SASS6: variants seen among roughly 807,000 people sequenced by gnomAD.
SASS6 encodes the protein spindle assembly abnormal protein 6 homolog.
SASS6 carries 59 observed loss-of-function variants against 94.9 expected under a neutral mutation model. The observed-to-expected ratio is 0.62, with a 90% CI of 0.50 to 0.77. The LOEUF (loss-of-function observed/expected upper bound fraction) is 0.77. SASS6 is among the 30% of genes least tolerant of loss of function. SASS6 has a pLI of 0.00. For synonymous variants in SASS6, 264 were observed against 270.0 expected, an observed-to-expected ratio of 0.98 and a Z score of 0.22; for missense variants, 698 against 734.1, an observed-to-expected ratio of 0.95 and a Z score of 0.57.
chr1:100,092,195 G>A (rs957065024), intron 14 of SASS6, among the ~76,000 whole-genome samples: 1 of 151,556 alleles, frequency 6.6e-6, no homozygotes, highest in Non-Finnish European at 1.5e-5. Context: ...ATTAAAAGCA[G>A]GCAGAGAAAA....
At chr1:100,127,882 TAGA>T (rs1250761837) in intron 1 of SASS6, among the ~76,000 whole-genome samples, 1 of 152,142 alleles carries the variant, frequency 6.6e-6, no homozygotes, top group Non-Finnish European at 1.5e-5. Context: ...TGGATTCAAC[TAGA>T]AGGTTTGTGA....
At chr1:100,104,169 C>G (rs1652708428) in intron 13 of SASS6, among the ~76,000 whole-genome samples, 1 of 152,204 alleles carries the variant, frequency 6.6e-6, no homozygotes, top group African/African-American at 2.4e-5. Context: ...ATTAAAGCAG[C>G]AGCAGCCATT....
At chr1:100,118,697 A>G (rs1451397061) in intron 7 of SASS6, among the ~76,000 whole-genome samples, 1 of 152,178 alleles carries the variant, frequency 6.6e-6, no homozygotes, top group Non-Finnish European at 1.5e-5. Flanking sequence ...ATAAGACCCC[A>G]TTAGTATAGA....
At chr1:100,102,451 C>G (rs1325505790) in intron 14 of SASS6, among the ~76,000 whole-genome samples, 1 of 152,010 alleles carries the variant, frequency 6.6e-6, no homozygotes, top group South Asian at 2.1e-4. Flanking sequence ...CCAAGGCAGG[C>G]GGATCACTTG....
chr1:100,125,032 T>C (rs1292509831), intron 2 of SASS6, among the ~76,000 whole-genome samples: 1 of 152,014 alleles, frequency 6.6e-6, no homozygotes, highest in African/African-American at 2.4e-5. Flanking sequence ...GGCCAGGGGG[T>C]TGGGGACCCC....
chr1:100,115,202 T>C (rs1043825149), intron 7 of SASS6, among the ~76,000 whole-genome samples: 1 of 152,156 alleles, frequency 6.6e-6, no homozygotes, highest in Non-Finnish European at 1.5e-5. Context: ...AGAAACAGTA[T>C]GTAAATTTAG....
rs936424806 is a variant in SASS6, at chr1:100,117,029, C to T, written c.669+1989G>A. On this transcript the variant is annotated intron_variant, in intron 7 of 16. Transcript: ENST00000287482. ...AGCTATAAGGCTGGGCACAGTGGCTCACGCCTGTAATCCTAGCACTTTGGG... is the reference window on the plus strand; with the variant it reads ...AGCTATAAGGCTGGGCACAGTGGCTTACGCCTGTAATCCTAGCACTTTGGG... 1.3e-4 allele frequency among the ~76,000 whole-genome samples: 20 copies of T among 152,198 alleles called. No individual in the cohort carries two copies. In the East Asian group the frequency reaches 3.5e-3, roughly 27 times the overall value.
intron 6 of SASS6, among the ~76,000 whole-genome samples, chr1:100,120,018 A>G (rs1316459631): frequency 6.6e-6 from 1 of 152,254 alleles, no homozygotes; most frequent in African/African-American, 2.4e-5. Context: ...AGAGGAATTA[A>G]TTCTAAACAT....
rs1267289215 is a variant in SASS6 at position 100,120,405 on chromosome 1, A to G, written c.538T>C (p.Phe180Leu). ...GAAATTTGAATTACCTTTCGTGTAA[A>G]GTCCAGTTGCTTAGTAGCATCATCT... ...SLDDATKQLD[F>L]TRKTLAEKKQ... Residue 180 changes from phenylalanine (F) to leucine (L), a missense_variant, in exon 6 of 17, where the codon TTT becomes CTT. Coordinates refer to ENST00000287482, the MANE Select transcript of SASS6 (RefSeq NM_194292.3). 2.0e-6 allele frequency: 3 copies of G among 1,517,128 alleles called. No homozygotes were observed. The highest frequency in any genetic ancestry group is 2.7e-6 in the Non-Finnish European group (3 of 1,093,536). The allele number at this position is 1,517,128 out of a possible 1,614,324, so 94.0% of individuals were successfully genotyped here.
chr1:100,112,650 T>C (rs1423667984), intron 7 of SASS6, among the ~76,000 whole-genome samples: 1 of 152,188 alleles, frequency 6.6e-6, no homozygotes, highest in Non-Finnish European at 1.5e-5. Context: ...CCCTATAACA[T>C]TTGTAGAAAC....
intron 8 of SASS6, among the ~76,000 whole-genome samples, 175 bp downstream of exon 8, chr1:100,110,117 G>T (rs1653194100): frequency 6.6e-6 from 1 of 151,942 alleles, no homozygotes; most frequent in South Asian, 2.1e-4. Context: ...GTTCTGTTAT[G>T]AATTATGCTT....
At position 100,102,452 on chromosome 1, in the gene SASS6, G is replaced by A. The variant is rs191215824; in HGVS notation, c.1674+503C>T. On this transcript the variant is annotated intron_variant, in intron 14 of 16. Transcript: ENST00000287482. ...AGCACCTTGGGAGGCCAAGGCAGGC[G>A]GATCACTTGAGGCCAGGAGTTCGAG... 8.0e-4 allele frequency among the ~76,000 whole-genome samples: 121 copies of A among 152,116 alleles called. 1 individual carries two copies. Among genetic ancestry groups the A allele is most frequent in the Admixed American group, 2.9e-3 (44 of 15,290 alleles).
At chr1:100,125,683 A>T (rs1654561844) in intron 2 of SASS6, among the ~76,000 whole-genome samples, 199 bp downstream of exon 2, 1 of 151,554 alleles carries the variant, frequency 6.6e-6, no homozygotes, top group African/African-American at 2.4e-5. Flanking sequence ...AAAAAAAAAA[A>T]AAAAAAGAAA....
chr1:100,106,065 A>T (rs1284835601), intron 12 of SASS6, among the ~76,000 whole-genome samples, 162 bp from the exon 13 acceptor site: 1 of 152,190 alleles, frequency 6.6e-6, no homozygotes. Flanking sequence ...TTTTGTCATT[A>T]AAGTTTCTTA....
chr1:100,123,393 T>A (rs1570710029), intron 2 of SASS6, 104 bp from the exon 3 acceptor site: 8 of 575,166 alleles, frequency 1.4e-5, no homozygotes, highest in Non-Finnish European at 2.2e-5. Flanking sequence ...GTATCATAGT[T>A]ATATTGCAGA....
Position 100,107,403 on chromosome 1 carries a change from C to T in SASS6, c.1297G>A (p.Gly433Arg). ...QKEQKELQDV[G>R]QSLRIKEQEV... ...TGCTCTTTAATTCGAAGAGACTGTCCAACATCTTGTAATTCCTTTTGTTCC... is the reference window on the plus strand; with the variant it reads ...TGCTCTTTAATTCGAAGAGACTGTCTAACATCTTGTAATTCCTTTTGTTCC... Residue 433 changes from glycine to arginine, a missense_variant, in exon 11 of 17, where the codon GGA becomes AGA. Physicochemically the swap from Gly to Arg is moderately radical, Grantham distance 125 (BLOSUM62 -2). Transcript: ENST00000287482. 1 of 1,608,474 alleles carries T rather than the reference C, an allele frequency of 6.2e-7. No individual in the cohort carries two copies. The highest frequency in any genetic ancestry group is 8.5e-7 in the Non-Finnish European group (1 of 1,176,296).
At chr1:100,124,194 C>T (rs1277662794) in intron 2 of SASS6, among the ~76,000 whole-genome samples, 1 of 152,196 alleles carries the variant, frequency 6.6e-6, no homozygotes, top group Non-Finnish European at 1.5e-5. Context: ...AATATATCAT[C>T]TCTACTCTGG....
At chr1:100,115,654 C>T (rs1006963667) in intron 7 of SASS6, among the ~76,000 whole-genome samples, 1 of 152,010 alleles carries the variant, frequency 6.6e-6, no homozygotes, top group Admixed American at 6.6e-5. Context: ...ATAGTGAAAC[C>T]CCATCTCCAC....
rs527552 is a variant in SASS6 at position 100,100,743 on chromosome 1, G to A, written c.1674+2212C>T. On this transcript the variant is annotated intron_variant, in intron 14 of 16. Coordinates refer to ENST00000287482, the MANE Select transcript of SASS6 (RefSeq NM_194292.3). ...CACAGGTTCAACGTCAAAAATAAAAGCGTCATTTTTAAAAACTGTAATTCA... is the reference window on the plus strand; with the variant it reads ...CACAGGTTCAACGTCAAAAATAAAAACGTCATTTTTAAAAACTGTAATTCA... 9.2e-3 allele frequency among the ~76,000 whole-genome samples: 1,398 copies of A among 152,252 alleles called. 25 individuals are homozygous for A. Among genetic ancestry groups the A allele is most frequent in the African/African-American group, 0.032 (1,347 of 41,552 alleles).
Sources: allele counts gnomAD v4.1 joint callset (sites outside exome capture counted in the v4.1 genomes callset), GRCh38; gene constraint gnomAD v4.1.1; transcripts MANE v1.5; gene names NCBI Gene and HGNC (gene_info 2026-07-23, HGNC 2026-07-21).